Variants in TGFB3 observed in about 807,000 individuals in gnomAD.
TGFB3 encodes transforming growth factor beta 3.
In TGFB3, 5 loss-of-function variants were observed where a neutral mutation model predicts 40.1. The ratio of observed to expected loss-of-function variants is 0.12; its 90% CI spans 0.07 to 0.26. TGFB3 has a LOEUF of 0.26. Ranked by LOEUF, TGFB3 falls within the 10% of genes least tolerant of loss-of-function variation. The pLI is 1.00. For missense variants in TGFB3, 373 were observed against 530.1 expected (o/e 0.70, Z 2.91); for synonymous variants, 184 against 205.6 (o/e 0.89, Z 0.90).
intron 3 of TGFB3, chr14:75,970,670 C>CTTCCCCTCCT: frequency 9.9e-6 from 1 of 100,788 alleles, no homozygotes; most frequent in Non-Finnish European, 2.3e-5. Context: ...CTTCCCCTCC[C>CTTCCCCTCCT]CAGCTCACCA....
intron 6 of TGFB3, 48 bp from the exon 7 acceptor site, chr14:75,959,393 C>A: frequency 6.2e-7 from 1 of 1,611,716 alleles, no homozygotes; most frequent in Non-Finnish European, 8.5e-7. Flanking sequence ...AGTCTCAGGC[C>A]TGGAACCCAG....
At chr14:75,964,695 A>G (rs1343931116) in intron 4 of TGFB3, among the ~76,000 whole-genome samples, 1 of 152,202 alleles carries the variant, frequency 6.6e-6, no homozygotes, top group African/African-American at 2.4e-5. Context: ...ATCTTTATGA[A>G]CAAGATAAGT....
At chr14:75,974,687 C>A (rs1371074203) in intron 1 of TGFB3, among the ~76,000 whole-genome samples, 1 of 150,932 alleles carries the variant, frequency 6.6e-6, no homozygotes, top group Non-Finnish European at 1.5e-5. Flanking sequence ...GTCACTTGAA[C>A]CTGGGAGGTC....
At chr14:75,962,973 T>C (rs902801274) in intron 5 of TGFB3, 1 of 418,640 alleles carries the variant, frequency 2.4e-6, no homozygotes, top group Non-Finnish European at 4.5e-6. Context: ...ATCTCACACA[T>C]ACACTCTACA....
intron 1 of TGFB3, among the ~76,000 whole-genome samples, chr14:75,976,195 A>G (rs544597023): frequency 2.0e-5 from 3 of 152,290 alleles, no homozygotes; most frequent in East Asian, 1.9e-4. Flanking sequence ...TATATTTATC[A>G]GTGTGGCTGT....
rs537062106 is a variant in TGFB3 at position 75,975,765 on chromosome 14, T to C, written c.353-4047A>G. Among the ~76,000 whole-genome samples the C allele has an allele frequency of 2.0e-5, 3 of 152,292 alleles. No individual in the cohort carries two copies. In the South Asian group the frequency reaches 6.2e-4, roughly 32 times the overall value. On this transcript the variant is annotated intron_variant, in intron 1 of 6. Transcript: ENST00000238682. ...TTCAAGCTGGGAGGGATCTGGGAGA[T>C]CATCTGGTGAAGATGGTTTCATCAA...
chr14:75,968,981 G>C (rs1252773235), intron 3 of TGFB3, among the ~76,000 whole-genome samples: 1 of 152,138 alleles, frequency 6.6e-6, no homozygotes, highest in East Asian at 1.9e-4. Flanking sequence ...GGGCTGCGGG[G>C]ACTGAGGATG....
intron 1 of TGFB3, among the ~76,000 whole-genome samples, chr14:75,972,660 A>C (rs1215669565): frequency 6.6e-6 from 1 of 152,170 alleles, no homozygotes; most frequent in African/African-American, 2.4e-5. Context: ...GGAAATGCAA[A>C]TGAGTAAGAG....
At chr14:75,963,617 C>A in intron 4 of TGFB3, 130 bp from the exon 5 acceptor site, 1 of 1,075,278 alleles carries the variant, frequency 9.3e-7, no homozygotes, top group Non-Finnish European at 1.4e-6. Flanking sequence ...GTGTGGGGGA[C>A]AAGTGCAGCT....
At chr14:75,977,227 C>G (rs1196769666) in intron 1 of TGFB3, among the ~76,000 whole-genome samples, 9 of 152,186 alleles carry the variant, frequency 5.9e-5, no homozygotes, top group African/African-American at 1.9e-4. Flanking sequence ...CTGAAAACAA[C>G]AAGTCTCCGA....
rs1339058417 is a variant in TGFB3, at chr14:75,979,813, C to A, written c.352+729G>T. 6.6e-6 allele frequency among the ~76,000 whole-genome samples: 1 copy of A among 152,068 alleles called. No individual in the cohort carries two copies. The highest frequency in any genetic ancestry group is 1.9e-4 in the East Asian group (1 of 5,160). On this transcript the variant is annotated intron_variant, in intron 1 of 6. Transcript: ENST00000238682. This position sits in a 1 kb window ranked among gnomAD's most constrained non-coding sequence, Gnocchi z 4.8. Reference sequence around the variant, plus strand: ...ACAGCCAAAACCCGCTCTCCCCGTGCCCACCGGCCTGGAGGGCGCCCATTT... The same window carrying A: ...ACAGCCAAAACCCGCTCTCCCCGTGACCACCGGCCTGGAGGGCGCCCATTT...
At chr14:75,976,507 A>G (rs916794762) in intron 1 of TGFB3, among the ~76,000 whole-genome samples, 3 of 152,240 alleles carry the variant, frequency 2.0e-5, no homozygotes, top group Admixed American at 6.5e-5. Flanking sequence ...CGCTGATGGA[A>G]CACCTTTAAA....
At chr14:75,967,290 G>C (rs537576517) in intron 3 of TGFB3, among the ~76,000 whole-genome samples, 61 of 152,180 alleles carry the variant, frequency 4.0e-4, no homozygotes, top group Admixed American at 7.2e-4. Flanking sequence ...GGCACACTGC[G>C]CCTGCTGAGC....
At chr14:75,970,870 C>G (rs2035282282) in intron 3 of TGFB3, 1 of 460,582 alleles carries the variant, frequency 2.2e-6, no homozygotes, top group South Asian at 2.0e-5. Flanking sequence ...CTGTTGGACT[C>G]CACCCACTCA....
Position 75,981,178 on chromosome 14 carries a change from G to A in TGFB3, c.-285C>T, listed in dbSNP as rs1408919478. 1.9e-5 allele frequency: 9 copies of A among 469,222 alleles called. No homozygotes were observed. The East Asian group carries it at 3.4e-4, about 17-fold the overall frequency. 29.1% of individuals were successfully genotyped at this position (469,222 alleles called of 1,614,324 possible). ...TGGGCTCTGACTCCCAGCAGGCCAG[G>A]TGGAGGGCAAGCAGAGGGCTGGGAG... On this transcript the variant is annotated 5_prime_UTR_variant, in exon 1 of 7. Coordinates refer to ENST00000238682, the MANE Select transcript of TGFB3 (RefSeq NM_003239.5). This position sits in a 1 kb window ranked among gnomAD's most constrained non-coding sequence, Gnocchi z 4.7.
At chr14:75,975,629 G>A (rs2035345363) in intron 1 of TGFB3, among the ~76,000 whole-genome samples, 2 of 152,336 alleles carry the variant, frequency 1.3e-5, no homozygotes, top group Middle Eastern at 3.4e-3. Context: ...TGAGAAAACT[G>A]AGCCTCAAAA....
At chr14:75,961,846 C>T (rs3917208) in intron 5 of TGFB3, among the ~76,000 whole-genome samples, 11 of 152,304 alleles carry the variant, frequency 7.2e-5, no homozygotes, top group Non-Finnish European at 1.2e-4. Flanking sequence ...GAGTCGAAAA[C>T]ACCAGATGCT....
intron 3 of TGFB3, among the ~76,000 whole-genome samples, chr14:75,969,895 G>A (rs1051696432): frequency 1.3e-5 from 2 of 152,164 alleles, no homozygotes; most frequent in Non-Finnish European, 1.5e-5. Context: ...CCATCTGATC[G>A]TCATATCCAC....
intron 5 of TGFB3, among the ~76,000 whole-genome samples, chr14:75,962,361 C>T (rs550098727): frequency 1.3e-4 from 20 of 152,172 alleles, no homozygotes; most frequent in Admixed American, 3.3e-4. Flanking sequence ...ACTACCTTGC[C>T]TCTCCTATAC....
Sources: gnomAD v4.1 joint callset for allele counts (sites outside exome capture counted in the v4.1 genomes callset) on GRCh38, gnomAD v4.1.1 for gene constraint, Gnocchi (gnomAD v3.1) non-coding constraint, MANE v1.5 for transcripts, NCBI Gene and HGNC (gene_info 2026-07-23, HGNC 2026-07-21) for gene names.